NDUFAF6: variants seen among roughly 807,000 people sequenced by gnomAD.
NDUFAF6 encodes the protein NADH:ubiquinone oxidoreductase complex assembly factor 6.
In NDUFAF6, 45 loss-of-function variants were observed where a neutral mutation model predicts 40.8. That is an observed-to-expected ratio of 1.10 (90% CI 0.87 to 1.42). The LOEUF is 1.42. Among genes scored for constraint, NDUFAF6 ranks in the 40% most tolerant of loss-of-function variants. The pLI is 0.00. For synonymous variants in NDUFAF6, 185 were observed against 155.9 expected, an observed-to-expected ratio of 1.19 and a Z score of -1.39; for missense variants, 435 against 418.5, an observed-to-expected ratio of 1.04 and a Z score of -0.34.
intron 2 of NDUFAF6, among the ~76,000 whole-genome samples, chr8:95,087,082 A>T (rs150212455): frequency 0.86 from 128,294 of 149,818 alleles, 55,097 homozygotes; most frequent in East Asian, 0.99. Flanking sequence ...TTTTTTTTTA[A>T]AAAATTCTGC....
intron 4 of NDUFAF6, among the ~76,000 whole-genome samples, chr8:95,111,481 T>C (rs940006809): frequency 1.3e-5 from 2 of 152,270 alleles, no homozygotes; most frequent in Non-Finnish European, 2.9e-5. Context: ...AGCCACATAC[T>C]GCACATTCCT....
At chr8:95,055,269 A>G (rs1388476620) in intron 8 of NDUFAF6, 1 of 152,222 alleles carries the variant, frequency 6.6e-6, no homozygotes, top group African/African-American at 2.4e-5. Context: ...GAAGATTAGC[A>G]TGGCCCCTGC....
At chr8:95,067,538 C>A (rs1832731791) in intron 9 of NDUFAF6, 1 of 151,948 alleles carries the variant, frequency 6.6e-6, no homozygotes, top group African/African-American at 2.4e-5. Context: ...AGCCACCTAG[C>A]AGGGCTAGGG....
chr8:94,997,289 GACACACACACACACAC>G (rs57953301), intron 2 of NDUFAF6, among the ~76,000 whole-genome samples: 265 of 94,704 alleles, frequency 2.8e-3, no homozygotes, highest in Middle Eastern at 6.8e-3. Flanking sequence ...CAAGAAGAAA[GACACACACACACACAC>G]ACACACACAC....
chr8:94,904,003 G>T (rs936339266), intron 1 of NDUFAF6, among the ~76,000 whole-genome samples: 2 of 152,140 alleles, frequency 1.3e-5, no homozygotes, highest in African/African-American at 4.8e-5. Flanking sequence ...CTAGTCTTGA[G>T]ATAACTTCCA....
At chr8:95,002,868 CAAAT>C (rs1345181405) in intron 2 of NDUFAF6, among the ~76,000 whole-genome samples, 3 of 152,126 alleles carry the variant, frequency 2.0e-5, no homozygotes, top group African/African-American at 7.2e-5. Flanking sequence ...TCCGGGAACT[CAAAT>C]AATGGGATTG....
At chr8:94,953,293 C>G (rs564699989), upstream of NDUFAF6, among the ~76,000 whole-genome samples, 1 of 151,810 alleles carries the variant, frequency 6.6e-6, no homozygotes, top group Admixed American at 6.6e-5. Context: ...GTTGCATGAG[C>G]CGAGATCGCA....
rs180857205 is a variant in NDUFAF6 at position 95,008,095 on chromosome 8, C to T, written c.-83-23900C>T. On this transcript the variant is annotated intron_variant, in intron 2 of 9. Coordinates refer to the NDUFAF6 transcript ENST00000396111. ...CCACCAAAGTATCTTTGTGTAACTT[C>T]CTCTGGAGGCAGTGTTAAAAGCCTA... is the stretch of plus-strand genomic sequence containing the variant. Among the ~76,000 whole-genome samples the T allele has an allele frequency of 1.0e-3, 158 of 152,264 alleles. 1 individual carries two copies. Among genetic ancestry groups the T allele is most frequent in the Non-Finnish European group, 1.7e-3 (119 of 68,018 alleles).
rs780687243 is a variant in NDUFAF6, at chr8:94,907,254, C to CT, written c.-936+11329dup. ...GTCTAATACTAGAGTTTGCATTTCT[C>CT]TTAAGTTTTCAATGTGAATGTAAAT... On this transcript the variant is annotated intron_variant, in intron 1 of 14. Transcript: ENST00000396113. Among the ~76,000 whole-genome samples the CT allele has an allele frequency of 3.3e-5, 5 of 152,216 alleles. No homozygotes were observed. The East Asian group carries it at 7.7e-4, about 23-fold the overall frequency.
intron 1 of NDUFAF6, among the ~76,000 whole-genome samples, chr8:94,959,793 C>T (rs1035146147): frequency 8.5e-5 from 13 of 152,120 alleles, no homozygotes; most frequent in Admixed American, 3.3e-4. Flanking sequence ...TCTCGCCTTG[C>T]CCTCCCAAAG....
At chr8:95,033,960 G>A (rs369901863) in intron 2 of NDUFAF6, 15 of 456,766 alleles carry the variant, frequency 3.3e-5, no homozygotes, top group Non-Finnish European at 3.5e-5. Context: ...GGCAGCCACT[G>A]GAGGGTTCTG....
intron 1 of NDUFAF6, among the ~76,000 whole-genome samples, chr8:94,959,230 C>G (rs1823349692): frequency 6.6e-6 from 1 of 152,164 alleles, no homozygotes; most frequent in African/African-American, 2.4e-5. Context: ...TCCAACCAAG[C>G]TGCATTTCAA....
intron 2 of NDUFAF6, among the ~76,000 whole-genome samples, chr8:94,984,775 G>A (rs1381512706): frequency 6.6e-6 from 1 of 152,226 alleles, no homozygotes; most frequent in African/African-American, 2.4e-5. Context: ...ACGGATGGGA[G>A]AGAAGAAGGT....
chr8:95,003,262 CA>C (rs1415684074), intron 2 of NDUFAF6, among the ~76,000 whole-genome samples: 1 of 152,128 alleles, frequency 6.6e-6, no homozygotes, highest in East Asian at 1.9e-4. Context: ...TGAAGGAAAA[CA>C]AAAAATTACA....
At chr8:95,015,592 TTCCTTCTAAGAACTTTGAGC>T (rs1827407640) in intron 2 of NDUFAF6, among the ~76,000 whole-genome samples, 1 of 152,244 alleles carries the variant, frequency 6.6e-6, no homozygotes, top group African/African-American at 2.4e-5. Context: ...GCAATGGTTC[TTCCTTCTAAGAACTTTGAGC>T]ATTCACTTAT....
At chr8:94,964,730 A>G (rs1260652321) in intron 1 of NDUFAF6, among the ~76,000 whole-genome samples, 1 of 152,196 alleles carries the variant, frequency 6.6e-6, no homozygotes, top group Non-Finnish European at 1.5e-5. Context: ...CGAGCCATTC[A>G]TGAATCATCT....
chr8:95,067,511 T>C (rs1832731013), intron 9 of NDUFAF6: 1 of 151,970 alleles, frequency 6.6e-6, no homozygotes, highest in Admixed American at 6.5e-5. Context: ...AAACCAGTTT[T>C]AGCTGGCTGT....
intron 9 of NDUFAF6, chr8:95,069,228 G>A (rs897077814): frequency 2.6e-5 from 4 of 151,926 alleles, no homozygotes; most frequent in Non-Finnish European, 4.4e-5. Context: ...TTCTCATGGA[G>A]CTTATATCTA....
intron 2 of NDUFAF6, chr8:94,988,786 A>G (rs1826059423): frequency 1.3e-5 from 2 of 152,208 alleles, no homozygotes; most frequent in Admixed American, 1.3e-4. Context: ...AATTAAACAC[A>G]CCATCTACTG....
Sources: gnomAD v4.1 joint callset for allele counts (sites outside exome capture counted in the v4.1 genomes callset) on GRCh38, gnomAD v4.1.1 for gene constraint, MANE v1.5 for transcripts, NCBI Gene and HGNC (gene_info 2026-07-23, HGNC 2026-07-21) for gene names.